The following ANKRD46 variants were observed in gnomAD, a reference collection of about 807,000 sequenced individuals.
ANKRD46 encodes ankyrin repeat domain-containing protein 46.
In ANKRD46, 13 loss-of-function variants were observed where a neutral mutation model predicts 19.8. The ratio of observed to expected loss-of-function variants is 0.66; its 90% CI spans 0.43 to 1.04. The LOEUF is 1.04. Among genes scored for constraint, ANKRD46 ranks in the 50% least tolerant of loss-of-function variants. The pLI, the probability that ANKRD46 is intolerant of heterozygous loss-of-function variation, is 0.00. For missense variants in ANKRD46, 185 were observed against 274.8 expected, an observed-to-expected ratio of 0.67 and a Z score of 2.31; for synonymous variants, 91 against 106.9, an observed-to-expected ratio of 0.85 and a Z score of 0.92.
intron 1 of ANKRD46, among the ~76,000 whole-genome samples, chr8:100,551,975 C>A (rs1812400345): frequency 6.6e-6 from 1 of 151,902 alleles, no homozygotes; most frequent in Admixed American, 6.6e-5. Context: ...CATGGTGAAA[C>A]CCCGTCTCTA....
chr8:100,514,357 T>A (rs1811594212), intron 5 of ANKRD46, among the ~76,000 whole-genome samples: 1 of 152,074 alleles, frequency 6.6e-6, no homozygotes, highest in African/African-American at 2.4e-5. Context: ...TTCCAGCAAA[T>A]ATTTATCTAT....
chr8:100,534,462 T>C lies in ANKRD46; in HGVS notation c.-130-1151A>G, dbSNP rs1172121325. Among the ~76,000 whole-genome samples, 3 of 152,236 alleles carry C rather than the reference T, an allele frequency of 2.0e-5. No individual in the cohort carries two copies. Among genetic ancestry groups the C allele is most frequent in the African/African-American group, 7.2e-5 (3 of 41,458 alleles). On this transcript the variant is annotated intron_variant, in intron 1 of 4. Transcript: ENST00000335659. The surrounding 1 kb of genome is among the most constrained non-coding windows in gnomAD (Gnocchi z 4.2). ...GACGAACTTCATATCACGGAGCCAC[T>C]TACCTTGATTTCCTTAAACAAATAT... is the stretch of plus-strand genomic sequence containing the variant.
chr8:100,528,566 A>G (rs1811892073), intron 3 of ANKRD46, among the ~76,000 whole-genome samples: 1 of 150,574 alleles, frequency 6.6e-6, no homozygotes, highest in Non-Finnish European at 1.5e-5. Context: ...GAGAACATAT[A>G]GTCAAAAAAG....
chr8:100,559,528 G>C lies in ANKRD46; in HGVS notation c.-131+183C>G, dbSNP rs1812571326. The C allele has an allele frequency of 6.6e-6, 1 of 152,304 alleles. No homozygotes were observed. The highest frequency in any genetic ancestry group is 1.5e-5 in the Non-Finnish European group (1 of 68,124). The allele number at this position is 152,304 out of a possible 1,614,324, so 9.4% of individuals were successfully genotyped here. On this transcript the variant is annotated intron_variant, in intron 1 of 4. Coordinates refer to ENST00000335659, the MANE Select transcript of ANKRD46 (RefSeq NM_001270377.2). This position sits in a 1 kb window ranked among gnomAD's most constrained non-coding sequence, Gnocchi z 6.0. Reference sequence around the variant, plus strand: ...ACACAGACCGCGAAGAAGCCATCACGGACCCGCGGTCGCTTCCTCGGCCCG... The same window carrying C: ...ACACAGACCGCGAAGAAGCCATCACCGACCCGCGGTCGCTTCCTCGGCCCG...
At chr8:100,533,609 T>C (rs1812006381) in intron 1 of ANKRD46, among the ~76,000 whole-genome samples, 1 of 152,106 alleles carries the variant, frequency 6.6e-6, no homozygotes, top group Non-Finnish European at 1.5e-5. Context: ...GCTCCGAAAA[T>C]TCACTCTCAG....
In ANKRD46 at chr8:100,545,777, G is replaced by C. The variant is rs1475101137; in HGVS notation, c.-130-12466C>G. Among the ~76,000 whole-genome samples, 1 of 152,186 alleles carries C rather than the reference G, an allele frequency of 6.6e-6. No individual in the cohort carries two copies. Among genetic ancestry groups the C allele is most frequent in the East Asian group, 1.9e-4 (1 of 5,200 alleles). ...AATGGTTTTGACCAAAATGCTGATA[G>C]TGATATGGACAATGAAATCAAGGCT... is the stretch of plus-strand genomic sequence containing the variant. On this transcript the variant is annotated intron_variant, in intron 1 of 4. Coordinates refer to ENST00000335659, the MANE Select transcript of ANKRD46 (RefSeq NM_001270377.2). The surrounding 1 kb of genome is among the most constrained non-coding windows in gnomAD (Gnocchi z 4.7).
At chr8:100,515,870 TTTTG>T (rs1238581725), downstream of ANKRD46, among the ~76,000 whole-genome samples, 5 of 151,742 alleles carry the variant, frequency 3.3e-5, no homozygotes, top group Admixed American at 6.6e-5. Context: ...AGTAACTTGT[TTTTG>T]TTTTTTTTTT....
rs1479850136 is a variant in ANKRD46 at position 100,550,806 on chromosome 8, T to C, written c.-131+8905A>G. ...GTACGAGGAAATGAGCTTGACAAAG[T>C]GGTCACTGAGGGCAATGGCAGCCCC... On this transcript the variant is annotated intron_variant, in intron 1 of 4. Coordinates refer to ENST00000335659, the MANE Select transcript of ANKRD46 (RefSeq NM_001270377.2). This position sits in a 1 kb window ranked among gnomAD's most constrained non-coding sequence, Gnocchi z 4.4. 3 of 457,740 alleles carry C rather than the reference T, an allele frequency of 6.6e-6. No individual in the cohort carries two copies. Among genetic ancestry groups the C allele is most frequent in the African/African-American group, 2.0e-5 (1 of 50,018 alleles). The allele number at this position is 457,740 out of a possible 1,614,324, so 28.4% of individuals were successfully genotyped here. A position where few individuals can be genotyped will look rare whatever the true frequency, so the allele number is the denominator to read the frequency against.
At position 100,557,614 on chromosome 8, in the gene ANKRD46, G is replaced by A. The variant is rs1188107755; in HGVS notation, c.-131+2097C>T. Reference sequence around the variant, plus strand: ...CTTCTCACTCAGAGTAAAAGCAAAAGTCCTTACCTGGGCCCATTAGCTCTC... The same window carrying A: ...CTTCTCACTCAGAGTAAAAGCAAAAATCCTTACCTGGGCCCATTAGCTCTC... On this transcript the variant is annotated intron_variant, in intron 1 of 4. Transcript: ENST00000335659. The surrounding 1 kb of genome is among the most constrained non-coding windows in gnomAD (Gnocchi z 5.9). Among the ~76,000 whole-genome samples the A allele has an allele frequency of 6.6e-6, 1 of 152,106 alleles. No homozygotes were observed. Among genetic ancestry groups the A allele is most frequent in the Non-Finnish European group, 1.5e-5 (1 of 68,020 alleles).
At chr8:100,541,318 C>A (rs1226803807) in intron 1 of ANKRD46, among the ~76,000 whole-genome samples, 1 of 152,020 alleles carries the variant, frequency 6.6e-6, no homozygotes. Flanking sequence ...GTGAGTTTTG[C>A]AAAATATTCC....
chr8:100,542,904 C>G (rs565870282), intron 1 of ANKRD46, among the ~76,000 whole-genome samples: 2 of 152,112 alleles, frequency 1.3e-5, no homozygotes, highest in African/African-American at 4.8e-5. Context: ...CATAAGACAG[C>G]GAATTACAGC....
chr8:100,558,439 AG>A (rs1255688500), intron 1 of ANKRD46, among the ~76,000 whole-genome samples: 2 of 152,246 alleles, frequency 1.3e-5, no homozygotes, highest in Non-Finnish European at 2.9e-5. Context: ...AATGTAATAA[AG>A]TGTGTTAACA....
intron 1 of ANKRD46, among the ~76,000 whole-genome samples, chr8:100,547,962 T>C (rs1812306801): frequency 2.0e-5 from 3 of 152,188 alleles, no homozygotes; most frequent in Admixed American, 1.3e-4. Context: ...CTCATTAAGC[T>C]ATCATGTACA....
Position 100,550,942 on chromosome 8 carries a change from C to T in ANKRD46, c.-131+8769G>A. The T allele has an allele frequency of 1.7e-6, 1 of 599,506 alleles. No homozygotes were observed. Among genetic ancestry groups the T allele is most frequent in the South Asian group, 1.5e-5 (1 of 66,742 alleles). 37.1% of individuals were successfully genotyped at this position (599,506 alleles called of 1,614,324 possible). On this transcript the variant is annotated intron_variant, in intron 1 of 4. Transcript: ENST00000335659. This position sits in a 1 kb window ranked among gnomAD's most constrained non-coding sequence, Gnocchi z 4.4. ...GGCCCTCTGACGCCTGCTTCACCAC[C>T]TTTTTGATGTCATCATATTTGGCAG...
intron 1 of ANKRD46, chr8:100,551,757 G>A (rs184133575): frequency 3.3e-5 from 17 of 519,962 alleles, no homozygotes; most frequent in African/African-American, 2.9e-4. Context: ...GGTCAGCACT[G>A]AGTGACCTCA....
rs1211060302 is a variant in ANKRD46, at chr8:100,522,266, C to T, written c.*289G>A. 8.5e-7 allele frequency: 1 copy of T among 1,176,860 alleles called. No homozygotes were observed. Among genetic ancestry groups the T allele is most frequent in the Non-Finnish European group, 1.1e-6 (1 of 948,354 alleles). 72.9% of individuals were successfully genotyped at this position (1,176,860 alleles called of 1,614,324 possible). On this transcript the variant is annotated 3_prime_UTR_variant, in exon 5 of 5. Coordinates refer to ENST00000335659, the MANE Select transcript of ANKRD46 (RefSeq NM_001270377.2). ...AGGACTTCCTAGCTTCTTCCTTTAT[C>T]TTCCATTCTCTAGTCACTTCCGTGT...
chr8:100,541,541 G>A (rs529635760), intron 1 of ANKRD46, among the ~76,000 whole-genome samples: 4 of 152,242 alleles, frequency 2.6e-5, no homozygotes, highest in Non-Finnish European at 5.9e-5. Context: ...AGAGGATATA[G>A]CCTACTACAT....
rs1186104504 is a variant in ANKRD46 at position 100,530,569 on chromosome 8, G to A, written c.-27-709C>T. 2.0e-5 allele frequency among the ~76,000 whole-genome samples: 3 copies of A among 152,212 alleles called. No individual in the cohort carries two copies. The South Asian group carries it at 6.2e-4, about 32-fold the overall frequency. On this transcript the variant is annotated intron_variant, in intron 2 of 4. Coordinates refer to ENST00000335659, the MANE Select transcript of ANKRD46 (RefSeq NM_001270377.2). ...CAGCTAATTTTTTGTATTTTTAGTA[G>A]AGACGGGGTTTCACCATGTTGGCCA...
chr8:100,512,683 TCTCA>T (rs1403094913), intron 5 of ANKRD46, among the ~76,000 whole-genome samples: 2 of 152,208 alleles, frequency 1.3e-5, no homozygotes, highest in African/African-American at 2.4e-5. Context: ...CTTCCATAAT[TCTCA>T]CTGACTCTTA....
Sources: gnomAD v4.1 joint callset for allele counts (sites outside exome capture counted in the v4.1 genomes callset) on GRCh38, gnomAD v4.1.1 for gene constraint, Gnocchi (gnomAD v3.1) non-coding constraint, MANE v1.5 for transcripts, NCBI Gene and HGNC (gene_info 2026-07-23, HGNC 2026-07-21) for gene names.